FSTL5: variants seen among roughly 807,000 people sequenced by gnomAD.
FSTL5 encodes the protein follistatin like 5.
A neutral mutation model predicts 89.1 loss-of-function variants in FSTL5; 62 were observed. The ratio of observed to expected loss-of-function variants is 0.70; its 90% CI spans 0.57 to 0.86. The LOEUF (loss-of-function observed/expected upper bound fraction) is 0.86, where lower values mean the gene tolerates loss of function less well. Ranked by LOEUF, FSTL5 falls within the 40% of genes least tolerant of loss-of-function variation. FSTL5 has a pLI of 0.00. For missense variants in FSTL5, 1,057 were observed against 1,001.6 expected, an observed-to-expected ratio of 1.06 and a Z score of -0.75; for synonymous variants, 383 against 346.2, an observed-to-expected ratio of 1.11 and a Z score of -1.18.
chr4:161,427,738 T>C (rs1386341226), intron 15 of FSTL5, among the ~76,000 whole-genome samples: 1 of 152,182 alleles, frequency 6.6e-6, no homozygotes, highest in Admixed American at 6.5e-5. Flanking sequence ...CAATGTCTGA[T>C]AACAATTAGC....
intron 2 of FSTL5, among the ~76,000 whole-genome samples, chr4:162,088,302 T>G (rs1414209794): frequency 6.6e-6 from 1 of 152,046 alleles, no homozygotes; most frequent in East Asian, 1.9e-4. Flanking sequence ...ATCTTTTTTA[T>G]ACAGAAATGT....
intron 2 of FSTL5, among the ~76,000 whole-genome samples, chr4:162,040,397 T>G (rs1367114967): frequency 6.6e-6 from 1 of 152,022 alleles, no homozygotes; most frequent in Admixed American, 6.6e-5. Context: ...TTCTGACACA[T>G]GAATACTCAT....
chr4:162,112,966 C>T (rs1207965553), intron 1 of FSTL5, among the ~76,000 whole-genome samples: 1 of 152,098 alleles, frequency 6.6e-6, no homozygotes, highest in Non-Finnish European at 1.5e-5. Context: ...TGTGAAAACT[C>T]CTCAGTCCTT....
intron 15 of FSTL5, among the ~76,000 whole-genome samples, chr4:161,424,404 A>G (rs1358641216): frequency 6.6e-6 from 1 of 150,862 alleles, no homozygotes; most frequent in African/African-American, 2.4e-5. Context: ...TTTTAAGGCA[A>G]CTAGTTTTTT....
At chr4:162,083,020 G>A (rs866222772) in intron 2 of FSTL5, among the ~76,000 whole-genome samples, 1 of 151,570 alleles carries the variant, frequency 6.6e-6, no homozygotes, top group Non-Finnish European at 1.5e-5. Flanking sequence ...CTTGCTAAAT[G>A]AATGATATCA....
At chr4:161,642,178 G>A (rs1221735966) in intron 7 of FSTL5, among the ~76,000 whole-genome samples, 1 of 151,986 alleles carries the variant, frequency 6.6e-6, no homozygotes, top group Admixed American at 6.6e-5. Flanking sequence ...TTTTTTTTGT[G>A]TGTGTGTAGT....
In FSTL5 at chr4:162,111,315, A is replaced by G. The variant is rs1242216879; in HGVS notation, c.82T>C (p.Tyr28His). The G allele has an allele frequency of 3.7e-6, 6 of 1,612,028 alleles. No homozygotes were observed. The highest frequency in any genetic ancestry group is 5.1e-6 in the Non-Finnish European group (6 of 1,178,550). Residue 28 changes from tyrosine to histidine, a missense_variant, in exon 2 of 16, where the codon TAT (tyrosine) becomes CAT (histidine). Physicochemically the swap from Tyr to His is moderately conservative, Grantham distance 83. Around this residue, in one of 3 missense-constraint regions of FSTL5, gnomAD observed 980 missense variants for 903.2 expected, o/e 1.08. Coordinates refer to ENST00000306100, the MANE Select transcript of FSTL5 (RefSeq NM_020116.5). ...SEGRPTKEGG[Y>H]GLKSYQPLMR... Reference sequence around the variant, plus strand: ...AGAGGCTGATAGGATTTAAGGCCATATCCTCCTTCTTTGGTTGGCCTTCCT... The same window carrying G: ...AGAGGCTGATAGGATTTAAGGCCATGTCCTCCTTCTTTGGTTGGCCTTCCT...
chr4:161,580,336 A>C (rs1237523358), intron 8 of FSTL5, among the ~76,000 whole-genome samples: 1 of 152,222 alleles, frequency 6.6e-6, no homozygotes, highest in African/African-American at 2.4e-5. Context: ...GGGAAGCTAC[A>C]ATAGAGCAGC....
intron 15 of FSTL5, among the ~76,000 whole-genome samples, chr4:161,430,718 C>T (rs192909689): frequency 1.7e-3 from 256 of 152,056 alleles, no homozygotes; most frequent in African/African-American, 5.8e-3. Context: ...CCAGCCTGGG[C>T]GACAGAGCGC....
At chr4:161,871,100 A>G (rs1323289821) in intron 4 of FSTL5, among the ~76,000 whole-genome samples, 1 of 152,138 alleles carries the variant, frequency 6.6e-6, no homozygotes, top group Non-Finnish European at 1.5e-5. Flanking sequence ...TGATCAGTCT[A>G]TCAAAGAGGT....
intron 1 of FSTL5, among the ~76,000 whole-genome samples, chr4:162,138,659 A>T (rs9990761): frequency 0.22 from 33,683 of 151,950 alleles, 4,019 homozygotes; most frequent in East Asian, 0.36. Context: ...AATAAAATAA[A>T]ATCTGTAATA....
At chr4:162,113,287 T>C (rs889933372) in intron 1 of FSTL5, among the ~76,000 whole-genome samples, 11 of 139,940 alleles carry the variant, frequency 7.9e-5, no homozygotes, top group Non-Finnish European at 3.1e-5. Context: ...TTGATATCTC[T>C]TGTTTACCCT....
chr4:162,043,418 T>C (rs1257765150), intron 2 of FSTL5: 1 of 152,142 alleles, frequency 6.6e-6, no homozygotes, highest in Non-Finnish European at 1.5e-5. Context: ...TGTGCATACT[T>C]TAATCAAAAG....
chr4:161,918,655 A>AT (rs921559281), intron 4 of FSTL5, among the ~76,000 whole-genome samples: 11 of 151,058 alleles, frequency 7.3e-5, no homozygotes, highest in African/African-American at 2.2e-4. Flanking sequence ...TTATTTATTT[A>AT]TTTTTTTGAG....
At chr4:161,626,590 G>A (rs1348878803) in intron 7 of FSTL5, among the ~76,000 whole-genome samples, 1 of 151,686 alleles carries the variant, frequency 6.6e-6, no homozygotes, top group African/African-American at 2.4e-5. Context: ...TTTTATGATT[G>A]CAATCACCAC....
At chr4:162,034,739 T>C (rs1737665880) in intron 2 of FSTL5, among the ~76,000 whole-genome samples, 1 of 152,296 alleles carries the variant, frequency 6.6e-6, no homozygotes, top group East Asian at 1.9e-4. Flanking sequence ...AATGCCAATA[T>C]ATTTTGGCAA....
At chr4:161,739,683 G>A (rs1739936284) in intron 6 of FSTL5, among the ~76,000 whole-genome samples, 1 of 152,076 alleles carries the variant, frequency 6.6e-6, no homozygotes, top group Admixed American at 6.6e-5. Context: ...GAACCCAAAG[G>A]CAAAGGTAAA....
At chr4:161,543,186 T>A (rs1463613835) in intron 8 of FSTL5, among the ~76,000 whole-genome samples, 2 of 151,958 alleles carry the variant, frequency 1.3e-5, no homozygotes, top group African/African-American at 4.8e-5. Context: ...TACAATAGTA[T>A]CAAAAAATAA....
At chr4:161,390,438 G>A (rs1730784105) in intron 15 of FSTL5, among the ~76,000 whole-genome samples, 1 of 152,058 alleles carries the variant, frequency 6.6e-6, no homozygotes, top group African/African-American at 2.4e-5. Flanking sequence ...AAACCACAAA[G>A]CCTGATAGAG....
Sources: gnomAD v4.1 joint callset for allele counts (sites outside exome capture counted in the v4.1 genomes callset) on GRCh38, gnomAD v4.1.1 for gene constraint, gnomAD v4.1.1 regional missense constraint, MANE v1.5 for transcripts, NCBI Gene and HGNC (gene_info 2026-07-23, HGNC 2026-07-21) for gene names.